Variants in CRISP1 observed in about 807,000 individuals in gnomAD.
CRISP1 encodes the protein cysteine rich secretory protein 1.
CRISP1 carries 44 observed loss-of-function variants against 33.1 expected under a neutral mutation model. The ratio of observed to expected loss-of-function variants is 1.33; its 90% CI spans 1.05 to 1.71. The LOEUF (loss-of-function observed/expected upper bound fraction) is 1.71. Ranked by LOEUF, CRISP1 falls within the 40% of genes most tolerant of loss-of-function variation. CRISP1 has a pLI of 0.00. For synonymous variants in CRISP1, 103 were observed against 98.7 expected (o/e 1.04, Z -0.26); for missense variants, 390 against 301.2 (o/e 1.29, Z -2.18).
intron 6 of CRISP1, among the ~76,000 whole-genome samples, chr6:49,838,877 T>C (rs1770891940): frequency 6.6e-6 from 1 of 152,194 alleles, no homozygotes; most frequent in Non-Finnish European, 1.5e-5. Flanking sequence ...TCTTCATTAA[T>C]ACCTATAAGG....
chr6:49,847,483 C>T, intron 4 of CRISP1, among the ~76,000 whole-genome samples: 1 of 152,146 alleles, frequency 6.6e-6, no homozygotes, highest in East Asian at 1.9e-4. Context: ...CTTGCTCCCT[C>T]TCTCACCATG....
chr6:49,844,205 A>T (rs1771084110), intron 5 of CRISP1, among the ~76,000 whole-genome samples: 1 of 152,178 alleles, frequency 6.6e-6, no homozygotes, highest in African/African-American at 2.4e-5. Context: ...GACACCATGG[A>T]TATGATTTAT....
intron 1 of CRISP1, among the ~76,000 whole-genome samples, chr6:49,873,119 A>T (rs1297640683): frequency 6.6e-6 from 1 of 152,080 alleles, no homozygotes; most frequent in Non-Finnish European, 1.5e-5. Flanking sequence ...ATGTGTACAT[A>T]TGTTAACTAA....
At chr6:49,865,383 T>C (rs537421769) in intron 1 of CRISP1, among the ~76,000 whole-genome samples, 57 of 152,194 alleles carry the variant, frequency 3.7e-4, no homozygotes, top group African/African-American at 1.3e-3. Context: ...TACCATCTTA[T>C]TTTTACAAAT....
Position 49,855,216 on chromosome 6 carries a change from T to C in CRISP1, c.66+2119A>G, listed in dbSNP as rs148607019. ...CTCCCAGAATCCACTAATGCTTTAC[T>C]ATGTCTATAGCCTCTCTCCCACTCC... On this transcript the variant is annotated intron_variant, in intron 2 of 7. Coordinates refer to ENST00000335847, the MANE Select transcript of CRISP1 (RefSeq NM_001131.3). 4.6e-5 allele frequency among the ~76,000 whole-genome samples: 7 copies of C among 152,290 alleles called. No individual in the cohort carries two copies. In the East Asian group the frequency reaches 9.7e-4, roughly 21 times the overall value.
At chr6:49,846,397 C>T (rs1771168912) in intron 5 of CRISP1, 123 bp downstream of exon 5, 4 of 994,206 alleles carry the variant, frequency 4.0e-6, no homozygotes, top group African/African-American at 1.6e-5. Flanking sequence ...ATAAGAGGAA[C>T]TCAGTAAATT....
chr6:49,843,954 TAACA>T (rs1466010625), intron 5 of CRISP1, among the ~76,000 whole-genome samples: 7 of 152,130 alleles, frequency 4.6e-5, no homozygotes, highest in Non-Finnish European at 2.9e-5. Context: ...AAGTTGTGAA[TAACA>T]AACATAGAAA....
chr6:49,841,436 C>T lies in CRISP1; in HGVS notation c.436-441G>A, dbSNP rs1020372018. Among the ~76,000 whole-genome samples the T allele has an allele frequency of 3.2e-4, 49 of 152,114 alleles. 1 individual carries two copies. Among genetic ancestry groups the T allele is most frequent in the Non-Finnish European group, 1.5e-4 (10 of 68,028 alleles). The stretch of plus-strand genomic sequence containing the variant: ...TGAACAGGCTGATGTTCAAAGAGGA[C>T]TTGAGTGTTGCCTTTCTGTACATGG... On this transcript the variant is annotated intron_variant, in intron 5 of 7. Coordinates refer to ENST00000335847, the MANE Select transcript of CRISP1 (RefSeq NM_001131.3).
intron 2 of CRISP1, among the ~76,000 whole-genome samples, chr6:49,854,153 A>G (rs1771430022): frequency 6.6e-6 from 1 of 152,096 alleles, no homozygotes; most frequent in Non-Finnish European, 1.5e-5. Flanking sequence ...CTGTCAATCT[A>G]CCTGTATCTG....
intron 2 of CRISP1, among the ~76,000 whole-genome samples, chr6:49,856,580 C>G (rs913008496): frequency 6.6e-6 from 1 of 152,128 alleles, no homozygotes; most frequent in African/African-American, 2.4e-5. Flanking sequence ...TATGGATTTT[C>G]TTTCCACAAT....
intron 2 of CRISP1, among the ~76,000 whole-genome samples, chr6:49,855,633 C>G (rs1392838252): frequency 1.3e-5 from 2 of 152,116 alleles, no homozygotes; most frequent in Non-Finnish European, 2.9e-5. Context: ...GTTACCTGAT[C>G]ACAACTCTCT....
At chr6:49,865,649 G>C (rs1282707411) in intron 1 of CRISP1, among the ~76,000 whole-genome samples, 1 of 152,132 alleles carries the variant, frequency 6.6e-6, no homozygotes, top group Non-Finnish European at 1.5e-5. Flanking sequence ...GAATAATTCA[G>C]AGAGTACAAA....
intron 6 of CRISP1, among the ~76,000 whole-genome samples, chr6:49,840,349 T>C (rs1177062714): frequency 6.6e-6 from 1 of 152,182 alleles, no homozygotes; most frequent in Non-Finnish European, 1.5e-5. Context: ...GTATCTGTGG[T>C]AGAATCTGTA....
intron 5 of CRISP1, among the ~76,000 whole-genome samples, chr6:49,843,846 G>A (rs914208966): frequency 1.3e-5 from 2 of 152,132 alleles, no homozygotes; most frequent in Non-Finnish European, 2.9e-5. Flanking sequence ...ATATAAATGA[G>A]GGACATGTAC....
intron 1 of CRISP1, among the ~76,000 whole-genome samples, chr6:49,861,046 A>G (rs1771636841): frequency 6.6e-6 from 1 of 152,120 alleles, no homozygotes; most frequent in African/African-American, 2.4e-5. Flanking sequence ...TTGAATCAGA[A>G]AGAAATAGAA....
upstream of CRISP1, among the ~76,000 whole-genome samples, chr6:49,869,932 G>A (rs73427803): frequency 0.038 from 5,817 of 152,172 alleles, 374 homozygotes; most frequent in African/African-American, 0.13. Flanking sequence ...TGCCTGTGCC[G>A]TTTTTGCCAT....
chr6:49,852,846 T>TTGTGTGTGTG (rs3056388), intron 2 of CRISP1, among the ~76,000 whole-genome samples: 149 of 145,554 alleles, frequency 1.0e-3, no homozygotes, highest in South Asian at 4.9e-3. Context: ...AAGAGAATCT[T>TTGTGTGTGTG]TGTGTGTGTG....
chr6:49,869,242 T>C (rs1771868841), upstream of CRISP1, among the ~76,000 whole-genome samples: 1 of 152,162 alleles, frequency 6.6e-6, no homozygotes, highest in African/African-American at 2.4e-5. Context: ...CAAATTGATT[T>C]ACTTATATGA....
intron 4 of CRISP1, among the ~76,000 whole-genome samples, chr6:49,847,821 C>T (rs1042283523): frequency 6.6e-6 from 1 of 152,080 alleles, no homozygotes; most frequent in Non-Finnish European, 1.5e-5. Context: ...TAACTTATTT[C>T]TCAACTGCAT....
Sources: gnomAD v4.1 joint callset for allele counts (sites outside exome capture counted in the v4.1 genomes callset) on GRCh38, gnomAD v4.1.1 for gene constraint, MANE v1.5 for transcripts, NCBI Gene and HGNC (gene_info 2026-07-23, HGNC 2026-07-21) for gene names.